Variants in TAF2 observed in about 807,000 individuals in gnomAD.
TAF2 encodes the protein transcription initiation factor TFIID subunit 2.
Under a neutral mutation model 138.5 loss-of-function variants are expected in TAF2, and 61 were observed. The ratio of observed to expected loss-of-function variants is 0.44; its 90% CI spans 0.36 to 0.54. The LOEUF is 0.54. Ranked by LOEUF, TAF2 falls within the 20% of genes least tolerant of loss-of-function variation. The pLI is 0.00. For synonymous variants in TAF2, 475 were observed against 469.9 expected (o/e 1.01, Z -0.14); for missense variants, 1,090 against 1,427.9 (o/e 0.76, Z 3.81).
chr8:119,781,669 ACT>A (rs1822667253), intron 16 of TAF2, among the ~76,000 whole-genome samples: 1 of 149,418 alleles, frequency 6.7e-6, no homozygotes. Flanking sequence ...TGGGTGACAG[ACT>A]CTCTCCAAAA....
At chr8:119,733,663 T>C (rs966092593) in intron 25 of TAF2, among the ~76,000 whole-genome samples, 14 of 152,234 alleles carry the variant, frequency 9.2e-5, no homozygotes, top group African/African-American at 3.4e-4. Context: ...ATTTATAGGT[T>C]AATGGTATTG....
intron 3 of TAF2, among the ~76,000 whole-genome samples, chr8:119,814,870 C>A (rs1825344962): frequency 6.7e-6 from 1 of 149,118 alleles, no homozygotes; most frequent in South Asian, 2.1e-4. Context: ...GATCGTGTCA[C>A]TGCACTCCAG....
intron 18 of TAF2, among the ~76,000 whole-genome samples, chr8:119,766,738 G>T (rs556048491): frequency 3.3e-5 from 5 of 152,250 alleles, no homozygotes; most frequent in African/African-American, 1.2e-4. Flanking sequence ...GGAAGTTGAG[G>T]CAGGAGAATT....
intron 2 of TAF2, among the ~76,000 whole-genome samples, chr8:119,827,517 A>C (rs1826179263): frequency 6.6e-6 from 1 of 152,218 alleles, no homozygotes; most frequent in Non-Finnish European, 1.5e-5. Context: ...CCATTTGTTT[A>C]AACTTATGCA....
At chr8:119,736,841 A>C (rs1819254572) in intron 25 of TAF2, among the ~76,000 whole-genome samples, 1 of 152,212 alleles carries the variant, frequency 6.6e-6, no homozygotes, top group Non-Finnish European at 1.5e-5. Flanking sequence ...AATTCTAGAT[A>C]CAACTACAAA....
intron 22 of TAF2, among the ~76,000 whole-genome samples, chr8:119,753,374 C>T (rs1381083463): frequency 1.3e-5 from 2 of 151,982 alleles, no homozygotes; most frequent in Non-Finnish European, 2.9e-5. Context: ...TCATTTATCC[C>T]AAAGGTTCAG....
At chr8:119,775,027 T>A (rs1164549136) in intron 18 of TAF2, among the ~76,000 whole-genome samples, 2 of 151,866 alleles carry the variant, frequency 1.3e-5, no homozygotes, top group African/African-American at 4.8e-5. Flanking sequence ...ACACCTGTAA[T>A]ATCAGCACTT....
rs780979691 is a variant in TAF2 at position 119,756,042 on chromosome 8, C to T, written c.2842G>A (p.Ala948Thr). 1.2e-6 allele frequency: 2 copies of T among 1,613,660 alleles called. No homozygotes were observed. Among genetic ancestry groups the T allele is most frequent in the Non-Finnish European group, 1.7e-6 (2 of 1,179,784 alleles). The change falls in exon 22 of 26, where the codon GCC becomes ACC. Residue 948 changes from alanine (A) to threonine (T), a missense_variant. Physicochemically the swap from Ala to Thr is moderately conservative, Grantham distance 58. This residue lies in a region of TAF2 where 580 missense variants were observed against 719.6 expected (regional missense o/e 0.81). Coordinates refer to ENST00000378164, the MANE Select transcript of TAF2 (RefSeq NM_003184.4). ...KNMESPLCNE[A>T]LVDQLWKLMN... ...AGTTTCCAAAGTTGATCTACCAGGG[C>T]TTCATTGCATAAGGGAGACTCCATG...
In TAF2 at chr8:119,797,685, A is replaced by T. The variant is rs761968062; in HGVS notation, c.954T>A (p.Ala318=). The T allele has an allele frequency of 3.7e-6, 6 of 1,613,476 alleles. 1 individual carries two copies. The Admixed American group carries it at 1.0e-4, about 27-fold the overall frequency. ...FIDEAYVEVA[A]YASMSIFSTN... is the part of the protein sequence containing the mutation. ...ACCTAAAAATGCTCATGGAAGCATA[A>T]GCAGCCACTTCAACATAAGCCTCAT... is the stretch of plus-strand genomic sequence containing the variant. The change falls in exon 7 of 26, where the codon GCT becomes GCA. Residue 318 remains alanine (A), a synonymous_variant. Coordinates refer to ENST00000378164, the MANE Select transcript of TAF2 (RefSeq NM_003184.4).
At chr8:119,798,224 A>G (rs1823969808) in intron 6 of TAF2, among the ~76,000 whole-genome samples, 1 of 152,206 alleles carries the variant, frequency 6.6e-6, no homozygotes, top group African/African-American at 2.4e-5. Flanking sequence ...TGCACGTTAT[A>G]GTACTATCTT....
chr8:119,791,746 T>C (rs1823444574), intron 10 of TAF2: 1 of 274,770 alleles, frequency 3.6e-6, no homozygotes, highest in Non-Finnish European at 7.0e-6. Context: ...ATCAATACAA[T>C]CAGTGCAATT....
chr8:119,775,371 C>A (rs17817611), intron 18 of TAF2, among the ~76,000 whole-genome samples: 2,440 of 150,454 alleles, frequency 0.016, 24 homozygotes, highest in Non-Finnish European at 0.025. Context: ...GTTTTGGGTA[C>A]ATTTGAGGGC....
At position 119,804,072 on chromosome 8, in the gene TAF2, A is replaced by G. The variant is rs12549588; in HGVS notation, c.419-53T>C. The stretch of plus-strand genomic sequence containing the variant: ...TGATACATAAGTTACAGTGGTCTAT[A>G]TAATAAAGACAAAGATTTAATGCTG... On this transcript the variant is annotated intron_variant, in intron 4 of 25. Coordinates refer to ENST00000378164, the MANE Select transcript of TAF2 (RefSeq NM_003184.4). 2.2e-3 allele frequency: 3,505 copies of G among 1,593,050 alleles called. 72 individuals carry two copies. The Admixed American group carries it at 0.038, about 17-fold the overall frequency.
At position 119,804,034 on chromosome 8, in the gene TAF2, C is replaced by T. The variant is rs774993427; in HGVS notation, c.419-15G>A. On this transcript the variant is annotated splice_polypyrimidine_tract_variant and intron_variant, in intron 4 of 25. Coordinates refer to ENST00000378164, the MANE Select transcript of TAF2 (RefSeq NM_003184.4). ...GACCTTTAACTCTGCAACAAATAAACATATACACACATTGATACATAAGTT... is the reference window on the plus strand; with the variant it reads ...GACCTTTAACTCTGCAACAAATAAATATATACACACATTGATACATAAGTT... The T allele has an allele frequency of 9.9e-6, 16 of 1,613,308 alleles. No individual in the cohort carries two copies. The highest frequency in any genetic ancestry group is 1.3e-5 in the African/African-American group (1 of 74,862).
At chr8:119,742,405 A>G (rs4871569) in intron 25 of TAF2, 129 bp downstream of exon 25, 330,520 of 1,179,408 alleles carry the variant, frequency 0.28, 49,415 homozygotes, top group South Asian at 0.4. Flanking sequence ...AGCTCAATGT[A>G]TTACAAGAAA....
intron 25 of TAF2, among the ~76,000 whole-genome samples, chr8:119,736,227 G>A (rs1819215715): frequency 6.6e-6 from 1 of 152,196 alleles, no homozygotes; most frequent in Non-Finnish European, 1.5e-5. Flanking sequence ...CTTACACTTT[G>A]CATTAAAGAA....
intron 22 of TAF2, among the ~76,000 whole-genome samples, chr8:119,748,038 C>T (rs1233500352): frequency 2.0e-5 from 3 of 151,902 alleles, no homozygotes; most frequent in African/African-American, 2.4e-5. Context: ...GCAGGAGAAT[C>T]GCTTAAACCC....
intron 2 of TAF2, among the ~76,000 whole-genome samples, chr8:119,824,847 A>G (rs1216697600): frequency 6.6e-6 from 1 of 152,226 alleles, no homozygotes; most frequent in African/African-American, 2.4e-5. Context: ...TAGATTTCAG[A>G]AGATGTATGG....
intron 22 of TAF2, among the ~76,000 whole-genome samples, chr8:119,755,223 A>G (rs1263153874): frequency 6.6e-6 from 1 of 152,214 alleles, no homozygotes; most frequent in Non-Finnish European, 1.5e-5. Flanking sequence ...AAACTGTGAT[A>G]AGGCTGGGTA....
Sources: gnomAD v4.1 joint callset for allele counts (sites outside exome capture counted in the v4.1 genomes callset) on GRCh38, gnomAD v4.1.1 for gene constraint, gnomAD v4.1.1 regional missense constraint, MANE v1.5 for transcripts, NCBI Gene and HGNC (gene_info 2026-07-23, HGNC 2026-07-21) for gene names.